PRKN: variants seen among roughly 807,000 people sequenced by gnomAD.
The protein encoded by PRKN is E3 ubiquitin-protein ligase parkin.
PRKN carries 56 observed loss-of-function variants against 59.5 expected under a neutral mutation model. The ratio of observed to expected loss-of-function variants is 0.94; its 90% CI spans 0.76 to 1.18. The LOEUF is 1.18. Among genes scored for constraint, PRKN ranks in the 50% most tolerant of loss-of-function variants. The probability of loss-of-function intolerance (pLI) is 0.00; values close to 1 mark genes in which losing one functional copy is unlikely to be tolerated. For synonymous variants in PRKN, 250 were observed against 222.1 expected (o/e 1.13, Z -1.12); for missense variants, 657 against 596.4 (o/e 1.10, Z -1.06).
At chr6:162,677,488 A>T in intron 1 of PRKN, among the ~76,000 whole-genome samples, 1 of 130,226 alleles carries the variant, frequency 7.7e-6, no homozygotes, top group African/African-American at 2.9e-5. Flanking sequence ...AAAAAAAAAA[A>T]CACTCTTTGC....
chr6:162,263,889 C>T (rs891064999), intron 2 of PRKN, among the ~76,000 whole-genome samples: 3 of 151,572 alleles, frequency 2.0e-5, no homozygotes, highest in Non-Finnish European at 2.9e-5. Context: ...CACCCCCACC[C>T]CCCCAACCAA....
intron 1 of PRKN, among the ~76,000 whole-genome samples, chr6:162,663,246 C>G (rs1778964188): frequency 6.6e-6 from 1 of 152,046 alleles, no homozygotes; most frequent in Non-Finnish European, 1.5e-5. Flanking sequence ...AGGCAGGCAC[C>G]ATTACTATCT....
chr6:162,632,182 T>C (rs1783136714), intron 1 of PRKN, among the ~76,000 whole-genome samples: 1 of 152,072 alleles, frequency 6.6e-6, no homozygotes, highest in South Asian at 2.1e-4. Context: ...AAACAAATCA[T>C]TCTACCAAAA....
Position 161,396,467 on chromosome 6 carries a change from G to T in PRKN, c.1084-9590C>A, listed in dbSNP as rs937626865. Among the ~76,000 whole-genome samples the T allele has an allele frequency of 1.4e-4, 21 of 152,156 alleles. No homozygotes were observed. The highest frequency in any genetic ancestry group is 4.8e-4 in the African/African-American group (20 of 41,418). ...GGCTCCTTCTAGAACTGGAGCACTG[G>T]TCACAGAGTATCAAATTCAATGCCA... On this transcript the variant is annotated intron_variant, in intron 9 of 11. Transcript: ENST00000366898. This position sits in a 1 kb window ranked among gnomAD's most constrained non-coding sequence, Gnocchi z 5.4.
intron 4 of PRKN, among the ~76,000 whole-genome samples, chr6:162,191,935 G>T (rs569112135): frequency 1.3e-5 from 2 of 152,228 alleles, no homozygotes; most frequent in South Asian, 4.2e-4. Flanking sequence ...GTGAGTGCCT[G>T]ATCCCTGCCA....
chr6:161,546,605 G>C lies in PRKN; in HGVS notation c.1083+2249C>G, dbSNP rs372487394. The stretch of plus-strand genomic sequence containing the variant: ...AAATCACTTCTCTGTTCTTTTTTCA[G>C]CTTCTTCAAATTGCAAACTGTGGTG... On this transcript the variant is annotated intron_variant, in intron 9 of 11. Transcript: ENST00000366898. This position sits in a 1 kb window ranked among gnomAD's most constrained non-coding sequence, Gnocchi z 4.4. Among the ~76,000 whole-genome samples, 51 of 152,030 alleles carry C rather than the reference G, an allele frequency of 3.4e-4. No individual in the cohort carries two copies. The highest frequency in any genetic ancestry group is 6.3e-4 in the Non-Finnish European group (43 of 68,020).
chr6:161,666,839 A>G (rs1418821855), intron 7 of PRKN, among the ~76,000 whole-genome samples: 1 of 152,192 alleles, frequency 6.6e-6, no homozygotes, highest in Non-Finnish European at 1.5e-5. Context: ...TGGAATGGCC[A>G]GGGAGTTTTG....
rs1789439068 is a variant in PRKN at position 161,445,410 on chromosome 6, G to A, written c.1084-58533C>T. On this transcript the variant is annotated intron_variant, in intron 9 of 11. Transcript: ENST00000366898. This position sits in a 1 kb window ranked among gnomAD's most constrained non-coding sequence, Gnocchi z 7.7. ...CGAGTCAAGCAGCGTAGATTGATCAGAGGAGCTGAGAGCTGAGGCCCACCC... is the reference window on the plus strand; with the variant it reads ...CGAGTCAAGCAGCGTAGATTGATCAAAGGAGCTGAGAGCTGAGGCCCACCC... 6.6e-6 allele frequency among the ~76,000 whole-genome samples: 1 copy of A among 152,180 alleles called. No homozygotes were observed. The highest frequency in any genetic ancestry group is 6.5e-5 in the Admixed American group (1 of 15,284).
chr6:162,722,701 AAAG>A (rs1307471830), intron 1 of PRKN, among the ~76,000 whole-genome samples: 2 of 152,178 alleles, frequency 1.3e-5, no homozygotes, highest in African/African-American at 4.8e-5. Context: ...TGCATTTTTC[AAAG>A]AAACTTTGGA....
At chr6:162,338,986 G>C (rs1175405765) in intron 2 of PRKN, among the ~76,000 whole-genome samples, 1 of 147,028 alleles carries the variant, frequency 6.8e-6, no homozygotes, top group Non-Finnish European at 1.5e-5. Flanking sequence ...CGGCCACCCT[G>C]TCTGAGAAGT....
intron 2 of PRKN, among the ~76,000 whole-genome samples, chr6:162,441,272 T>A (rs1205827673): frequency 6.6e-6 from 1 of 152,182 alleles, no homozygotes; most frequent in Non-Finnish European, 1.5e-5. Context: ...GAAACTTCAA[T>A]GCCAAGTTAG....
intron 7 of PRKN, among the ~76,000 whole-genome samples, chr6:161,764,396 A>G (rs1030114500): frequency 6.6e-6 from 1 of 152,154 alleles, no homozygotes; most frequent in African/African-American, 2.4e-5. Flanking sequence ...GCTTTATCTG[A>G]CATTTTAAGG....
chr6:162,600,385 T>C (rs1016956848), intron 1 of PRKN, among the ~76,000 whole-genome samples: 1 of 152,202 alleles, frequency 6.6e-6, no homozygotes, highest in Admixed American at 6.5e-5. Context: ...TTAATGGACA[T>C]ATGAGATGTT....
intron 7 of PRKN, among the ~76,000 whole-genome samples, chr6:161,735,988 A>T (rs1787949630): frequency 6.6e-6 from 1 of 152,196 alleles, no homozygotes; most frequent in Non-Finnish European, 1.5e-5. Flanking sequence ...TCTTCCTTTT[A>T]CAGAAAATAA....
At chr6:162,436,393 C>T (rs977116179) in intron 2 of PRKN, among the ~76,000 whole-genome samples, 49 of 150,616 alleles carry the variant, frequency 3.3e-4, no homozygotes, top group African/African-American at 1.1e-3. Flanking sequence ...AGTGCAATGG[C>T]GCAATCTTGG....
At chr6:161,790,171 GA>G (rs1322824869) in intron 6 of PRKN, among the ~76,000 whole-genome samples, 1 of 152,182 alleles carries the variant, frequency 6.6e-6, no homozygotes, top group Non-Finnish European at 1.5e-5. Flanking sequence ...AACTTGAATT[GA>G]ATTTAAAGAA....
At chr6:162,116,135 G>T (rs1780661602) in intron 4 of PRKN, among the ~76,000 whole-genome samples, 1 of 152,176 alleles carries the variant, frequency 6.6e-6, no homozygotes, top group Admixed American at 6.5e-5. Context: ...AGGGGGTATA[G>T]ATATACAATC....
chr6:162,364,351 T>A (rs1212604727), intron 2 of PRKN, among the ~76,000 whole-genome samples: 2 of 152,318 alleles, frequency 1.3e-5, no homozygotes, highest in African/African-American at 4.8e-5. Context: ...TTTTTTGAGT[T>A]GTCATCAGTG....
At chr6:162,075,914 C>G (rs1459443172) in intron 4 of PRKN, among the ~76,000 whole-genome samples, 1 of 150,390 alleles carries the variant, frequency 6.6e-6, no homozygotes, top group Non-Finnish European at 1.5e-5. Context: ...GGTTCCTATT[C>G]TTGCCCCTTA....
Sources: allele counts gnomAD v4.1 joint callset (sites outside exome capture counted in the v4.1 genomes callset), GRCh38; gene constraint gnomAD v4.1.1; non-coding constraint Gnocchi (gnomAD v3.1); transcripts MANE v1.5; gene names NCBI Gene and HGNC (gene_info 2026-07-23, HGNC 2026-07-21).